Variants in ZNF280D observed in about 807,000 individuals in gnomAD.
ZNF280D encodes the protein zinc finger protein 280D, also known as suppressor of hairy wing homolog 4.
Under a neutral mutation model 94.7 loss-of-function variants are expected in ZNF280D, and 39 were observed. That is an observed-to-expected ratio of 0.41 (90% CI 0.32 to 0.54). ZNF280D has a LOEUF of 0.54. Ranked by LOEUF, ZNF280D falls within the 20% of genes least tolerant of loss-of-function variation. ZNF280D has a pLI of 0.22. For missense variants in ZNF280D, 1,090 were observed against 1,149.3 expected (o/e 0.95, Z 0.75); for synonymous variants, 398 against 377.6 (o/e 1.05, Z -0.63).
chr15:56,654,553 C>G lies in ZNF280D; in HGVS notation c.2058-50G>C, dbSNP rs541987579. ...GATTTTTATCTTTTATGAAAATCCA[C>G]TTATAAGTTTGATGATTATTTTTCC... On this transcript the variant is annotated intron_variant, in intron 17 of 21. Transcript: ENST00000267807. 2.7e-6 allele frequency: 4 copies of G among 1,495,262 alleles called. No individual in the cohort carries two copies. The South Asian group carries it at 3.9e-5, about 15-fold the overall frequency. 92.6% of individuals were successfully genotyped at this position (1,495,262 alleles called of 1,614,324 possible). A position where few individuals can be genotyped will look rare whatever the true frequency, so the allele number is the denominator to read the frequency against.
At chr15:56,648,047 A>G (rs1322034301) in intron 19 of ZNF280D, among the ~76,000 whole-genome samples, 11 of 152,198 alleles carry the variant, frequency 7.2e-5, no homozygotes, top group African/African-American at 2.7e-4. Context: ...TTATAAAGCC[A>G]TTAAGCAATA....
intron 17 of ZNF280D, 51 bp downstream of exon 17, chr15:56,658,373 A>G: frequency 7.2e-7 from 1 of 1,385,396 alleles, no homozygotes; most frequent in Non-Finnish European, 1.0e-6. Flanking sequence ...AAAAAAATTT[A>G]AGTCATTACA....
At chr15:56,687,420 C>T (rs1420459652) in intron 9 of ZNF280D, among the ~76,000 whole-genome samples, 4 of 152,064 alleles carry the variant, frequency 2.6e-5, no homozygotes, top group Admixed American at 6.5e-5. Context: ...TAACATGCCA[C>T]AATTTCTGTA....
intron 3 of ZNF280D, 23 bp downstream of exon 3, chr15:56,707,059 T>C (rs765608316): frequency 2.5e-5 from 40 of 1,610,166 alleles, no homozygotes; most frequent in Non-Finnish European, 3.3e-5. Flanking sequence ...TATATTAGTA[T>C]TAGTTGTGGC....
intron 21 of ZNF280D, among the ~76,000 whole-genome samples, chr15:56,633,687 C>T (rs2052204926): frequency 6.6e-6 from 1 of 151,796 alleles, no homozygotes; most frequent in African/African-American, 2.4e-5. Context: ...GACGGGGTTT[C>T]ACCATGTTGG....
intron 20 of ZNF280D, among the ~76,000 whole-genome samples, chr15:56,636,377 A>T (rs531944825): frequency 6.6e-6 from 1 of 152,266 alleles, no homozygotes; most frequent in East Asian, 1.9e-4. Context: ...TAAAAAGTAA[A>T]AACAAAGCAT....
intron 19 of ZNF280D, 164 bp downstream of exon 19, chr15:56,654,034 G>T: frequency 6.9e-7 from 1 of 1,452,674 alleles, no homozygotes; most frequent in Non-Finnish European, 9.1e-7. Flanking sequence ...ACCAGGTCAC[G>T]AGCTCCATAG....
At position 56,682,437 on chromosome 15, in the gene ZNF280D, G is replaced by C. The variant is rs1446615298; in HGVS notation, c.821C>G (p.Ala274Gly). The C allele has an allele frequency of 6.4e-7, 1 of 1,550,740 alleles. No homozygotes were observed. Among genetic ancestry groups the C allele is most frequent in the Non-Finnish European group, 8.6e-7 (1 of 1,156,972 alleles). ...TACTGTACTTGAAAATTCTGTTTTA[G>C]CCAGTCCCAAAAAGTTATTTATCAT... is the stretch of plus-strand genomic sequence containing the variant. ...PDMINNFLGL[A>G]KTEFSSTVNK... Residue 274 changes from alanine to glycine, a missense_variant, in exon 10 of 22, where the codon GCT becomes GGT. Transcript: ENST00000267807.
intron 1 of ZNF280D, among the ~76,000 whole-genome samples, chr15:56,710,751 T>C (rs1474683691): frequency 6.6e-6 from 1 of 152,190 alleles, no homozygotes; most frequent in African/African-American, 2.4e-5. Context: ...TATCACCCGA[T>C]GTACTGCTGC....
chr15:56,722,942 A>G (rs1205010443), intron 1 of ZNF280D, among the ~76,000 whole-genome samples: 3 of 151,884 alleles, frequency 2.0e-5, no homozygotes, highest in Non-Finnish European at 4.4e-5. Context: ...CATGGATGAA[A>G]TTGGAAACCA....
intron 1 of ZNF280D, among the ~76,000 whole-genome samples, chr15:56,721,962 A>G (rs1388609035): frequency 6.6e-6 from 1 of 152,120 alleles, no homozygotes. Flanking sequence ...AATAATTTCT[A>G]GTTCTTTTTA....
chr15:56,696,073 G>A (rs999172115), intron 6 of ZNF280D, among the ~76,000 whole-genome samples: 28 of 152,146 alleles, frequency 1.8e-4, no homozygotes, highest in Middle Eastern at 3.4e-3. Context: ...AAGAAGTTAC[G>A]GAAACAAGCT....
rs1239292088 is a variant in ZNF280D at position 56,700,933 on chromosome 15, A to C, written c.381T>G (p.Pro127=). ...GCCGTATAGTTTTAGAAACACTTAC[A>C]GGTTTAGAAAAAGGCTGAACAATAA... The part of the protein sequence containing the change: ...SSVIVQPFSK[P]GYITNSSRVV... The change falls in exon 6 of 22, where the codon CCT becomes CCG. Residue 127 remains proline (P), a splice_region_variant and synonymous_variant. Coordinates refer to ENST00000267807, the MANE Select transcript of ZNF280D (RefSeq NM_017661.4). The C allele has an allele frequency of 2.5e-6, 4 of 1,613,902 alleles. No homozygotes were observed. The highest frequency in any genetic ancestry group is 3.3e-5 in the Admixed American group (2 of 59,974).
intron 19 of ZNF280D, chr15:56,653,539 A>C (rs2053337744): frequency 1.3e-6 from 2 of 1,522,290 alleles, no homozygotes; most frequent in African/African-American, 2.8e-5. Flanking sequence ...TGTCCATCGA[A>C]GGGGGACACT....
At chr15:56,702,920 C>G (rs1170651052) in intron 4 of ZNF280D, among the ~76,000 whole-genome samples, 43 of 126,344 alleles carry the variant, frequency 3.4e-4, no homozygotes, top group Non-Finnish European at 5.6e-4. Context: ...AACACACACA[C>G]ACACACACAC....
chr15:56,703,245 C>G (rs2057193671), intron 4 of ZNF280D, among the ~76,000 whole-genome samples: 1 of 152,180 alleles, frequency 6.6e-6, no homozygotes, highest in Non-Finnish European at 1.5e-5. Context: ...GTACTAAATG[C>G]TACATCATCC....
chr15:56,660,457 G>A (rs955981343), intron 16 of ZNF280D, among the ~76,000 whole-genome samples: 2 of 151,782 alleles, frequency 1.3e-5, no homozygotes, highest in Non-Finnish European at 2.9e-5. Context: ...TATAAAAAGG[G>A]ATTTCTACCA....
Position 56,683,722 on chromosome 15 carries a change from T to C in ZNF280D, c.781-1245A>G, listed in dbSNP as rs118092015. Among the ~76,000 whole-genome samples the C allele has an allele frequency of 2.1e-3, 327 of 152,306 alleles. 1 individual carries two copies. Among genetic ancestry groups the C allele is most frequent in the Non-Finnish European group, 3.8e-3 (256 of 68,020 alleles). On this transcript the variant is annotated intron_variant, in intron 9 of 21. Coordinates refer to ENST00000267807, the MANE Select transcript of ZNF280D (RefSeq NM_017661.4). ...TTTTATAGTTAAATAGGGCTTCTCA[T>C]GTGAACATCCAACATCAGTCAACAT...
intron 1 of ZNF280D, among the ~76,000 whole-genome samples, chr15:56,719,967 G>A (rs1157153962): frequency 6.6e-6 from 1 of 151,184 alleles, no homozygotes; most frequent in African/African-American, 2.4e-5. Context: ...GGAAGGTCCT[G>A]CCTCCATGTT....
Sources: allele counts gnomAD v4.1 joint callset (sites outside exome capture counted in the v4.1 genomes callset), GRCh38; gene constraint gnomAD v4.1.1; transcripts MANE v1.5; gene names NCBI Gene and HGNC (gene_info 2026-07-23, HGNC 2026-07-21).